The following AKR1E2 variants were observed in gnomAD, a reference collection of about 807,000 sequenced individuals.
AKR1E2 encodes the protein aldo-keto reductase family 1 member E2, also known as 1,5-anhydro-D-fructose reductase.
AKR1E2 carries 43 observed loss-of-function variants against 41.9 expected under a neutral mutation model. The observed-to-expected ratio is 1.03, with a 90% CI of 0.80 to 1.32. The LOEUF (loss-of-function observed/expected upper bound fraction) is 1.32, where lower values mean the gene tolerates loss of function less well. Among genes scored for constraint, AKR1E2 ranks in the 40% most tolerant of loss-of-function variants. The pLI is 0.00. For missense variants in AKR1E2, 423 were observed against 396.5 expected, an observed-to-expected ratio of 1.07 and a Z score of -0.57; for synonymous variants, 121 against 138.9, an observed-to-expected ratio of 0.87 and a Z score of 0.91.
At chr10:4,841,139 T>G (rs1263757845) in intron 6 of AKR1E2, among the ~76,000 whole-genome samples, 1 of 152,100 alleles carries the variant, frequency 6.6e-6, no homozygotes, top group East Asian at 1.9e-4. Context: ...TCAGACTGAC[T>G]GGGGTGGGCA....
chr10:4,835,547 C>T, intron 3 of AKR1E2, 128 bp from the exon 4 acceptor site: 1 of 1,208,916 alleles, frequency 8.3e-7, no homozygotes, highest in Non-Finnish European at 1.1e-6. Context: ...AAGACTGGGC[C>T]TGGTCACATG....
At chr10:4,864,550 C>T in the AKR1E2 span, among the ~76,000 whole-genome samples, 1 of 149,982 alleles carries the variant, frequency 6.7e-6, no homozygotes, top group Non-Finnish European at 1.5e-5. Flanking sequence ...AAAACTGGCA[C>T]AAGGCAGGGA....
intron 5 of AKR1E2, among the ~76,000 whole-genome samples, chr10:4,838,809 G>A (rs1214330629): frequency 6.6e-6 from 1 of 152,120 alleles, no homozygotes; most frequent in East Asian, 1.9e-4. Context: ...CTTCCGTTTT[G>A]TGTCAGTATT....
Position 4,833,731 on chromosome 10 carries a change from A to G in AKR1E2, c.324+265A>G, listed in dbSNP as rs17133697. 0.035 allele frequency among the ~76,000 whole-genome samples: 5,299 copies of G among 152,102 alleles called. 151 individuals carry two copies. Among genetic ancestry groups the G allele is most frequent in the East Asian group, 0.11 (591 of 5,142 alleles). The stretch of plus-strand genomic sequence containing the variant: ...TTTTTCCAAGCCAAGAGAGCAGTAG[A>G]TTTTTTTCCCTTAGGTTTTTAGGTG... On this transcript the variant is annotated intron_variant, in intron 3 of 9. Coordinates refer to ENST00000298375, the MANE Select transcript of AKR1E2 (RefSeq NM_001040177.3).
At position 4,847,857 on chromosome 10, in the gene AKR1E2, A is replaced by C. The variant is rs1276708628; in HGVS notation, c.*327A>C. 1.0e-5 allele frequency: 3 copies of C among 300,716 alleles called. No individual in the cohort carries two copies. Among genetic ancestry groups the C allele is most frequent in the Non-Finnish European group, 1.8e-5 (3 of 163,116 alleles). 18.6% of individuals were successfully genotyped at this position (300,716 alleles called of 1,614,324 possible). ...AAGCCATCTACAGAGCTGAGGAAAC[A>C]GTGTAATGTGTCTCTGCCCCATTGC... On this transcript the variant is annotated 3_prime_UTR_variant, in exon 10 of 10. Coordinates refer to ENST00000298375, the MANE Select transcript of AKR1E2 (RefSeq NM_001040177.3).
chr10:4,854,113 A>G, the AKR1E2 span, among the ~76,000 whole-genome samples: 5 of 76,014 alleles, frequency 6.6e-5, no homozygotes, highest in East Asian at 1.5e-3. Flanking sequence ...TTTTTTTTTT[A>G]GACAGAGTCA....
rs1472973922 is a variant in AKR1E2, at chr10:4,846,573, TCTCA to T, written c.838-571_838-568del. 4.0e-4 allele frequency among the ~76,000 whole-genome samples: 59 copies of T among 145,802 alleles called. 1 individual carries two copies. The highest frequency in any genetic ancestry group is 2.1e-4 in the Non-Finnish European group (14 of 66,440). ...CCTTTTTTTTTTTTTTGAGATGGAGTCTCACTCTGTCATCCAAGCTGGAGTGCAG... is the reference window on the plus strand; with the variant it reads ...CCTTTTTTTTTTTTTTGAGATGGAGTCTCTGTCATCCAAGCTGGAGTGCAG... On this transcript the variant is annotated intron_variant, in intron 8 of 9. Transcript: ENST00000298375.
downstream of AKR1E2, among the ~76,000 whole-genome samples, chr10:4,852,666 CAGAA>C (rs1204747133): frequency 1.2e-4 from 19 of 152,270 alleles, 1 homozygote; most frequent in East Asian, 3.3e-3. Context: ...AGTTTGCAAG[CAGAA>C]AATACAACAG....
downstream of AKR1E2, among the ~76,000 whole-genome samples, chr10:4,851,126 C>T (rs10795202): frequency 0.59 from 89,131 of 152,142 alleles, 27,532 homozygotes; most frequent in Admixed American, 0.69. Flanking sequence ...ACATGTGATG[C>T]GACCAGCTCT....
At chr10:4,830,375 C>A (rs1430555850) in intron 1 of AKR1E2, among the ~76,000 whole-genome samples, 1 of 152,108 alleles carries the variant, frequency 6.6e-6, no homozygotes, top group Non-Finnish European at 1.5e-5. Flanking sequence ...AGTTATTATT[C>A]ATTCTGTACT....
At chr10:4,846,926 T>TA (rs1247794249) in intron 8 of AKR1E2, among the ~76,000 whole-genome samples, 1 of 152,210 alleles carries the variant, frequency 6.6e-6, no homozygotes, top group Non-Finnish European at 1.5e-5. Context: ...CAAGGCTTCC[T>TA]AAATGTAGCC....
At chr10:4,833,505 A>G in intron 3 of AKR1E2, 39 bp downstream of exon 3, 1 of 1,544,190 alleles carries the variant, frequency 6.5e-7, no homozygotes, top group South Asian at 1.1e-5. Flanking sequence ...AGTTTGCAGG[A>G]CCTTCCTCCC....
chr10:4,866,639 G>GTTTTTTT, the AKR1E2 span, among the ~76,000 whole-genome samples: 367 of 107,626 alleles, frequency 3.4e-3, 10 homozygotes, highest in East Asian at 7.3e-3. Flanking sequence ...TTTTGTTTTT[G>GTTTTTTT]TTTTTGTTTT....
intron 3 of AKR1E2, among the ~76,000 whole-genome samples, chr10:4,834,452 T>C (rs1253440285): frequency 1.3e-5 from 2 of 152,232 alleles, no homozygotes; most frequent in East Asian, 3.8e-4. Flanking sequence ...GCCTTGAAAT[T>C]CATTGCATGC....
chr10:4,825,910 A>G (rs1832443689), upstream of AKR1E2, among the ~76,000 whole-genome samples: 1 of 152,146 alleles, frequency 6.6e-6, no homozygotes. Context: ...GAAGGCAACC[A>G]GGAGGTCACA....
At chr10:4,827,091 AAAG>A (rs1293558062) in intron 1 of AKR1E2, among the ~76,000 whole-genome samples, 2 of 151,302 alleles carry the variant, frequency 1.3e-5, no homozygotes, top group South Asian at 2.1e-4. Context: ...AAAAAAAAAA[AAAG>A]AAAAAAGGAA....
At chr10:4,862,539 G>A in the AKR1E2 span, among the ~76,000 whole-genome samples, 1,328 of 152,234 alleles carry the variant, frequency 8.7e-3, 13 homozygotes, top group Non-Finnish European at 0.013. Flanking sequence ...CCATTTTCAC[G>A]ATATTGATTC....
At chr10:4,830,993 T>C (rs1305644290) in intron 2 of AKR1E2, 151 bp downstream of exon 2, 1 of 1,042,288 alleles carries the variant, frequency 9.6e-7, no homozygotes, top group Non-Finnish European at 1.4e-6. Flanking sequence ...TGCTGAATTA[T>C]ATTGTGTGCA....
At chr10:4,867,052 C>A in the AKR1E2 span, among the ~76,000 whole-genome samples, 18 of 152,186 alleles carry the variant, frequency 1.2e-4, no homozygotes, top group South Asian at 3.7e-3. Flanking sequence ...CAAATCTAGT[C>A]CCCAGGCAAG....
Sources: gnomAD v4.1 joint callset for allele counts (sites outside exome capture counted in the v4.1 genomes callset) on GRCh38, gnomAD v4.1.1 for gene constraint, MANE v1.5 for transcripts, NCBI Gene and HGNC (gene_info 2026-07-23, HGNC 2026-07-21) for gene names.